GTF3C5: variants seen among roughly 807,000 people sequenced by gnomAD.
The protein encoded by GTF3C5 is general transcription factor 3C polypeptide 5.
GTF3C5 carries 47 observed loss-of-function variants against 61.0 expected under a neutral mutation model. The observed-to-expected ratio is 0.77, with a 90% CI of 0.61 to 0.98. The LOEUF (loss-of-function observed/expected upper bound fraction) is 0.98. Ranked by LOEUF, GTF3C5 falls within the 50% of genes least tolerant of loss-of-function variation. The probability of loss-of-function intolerance (pLI) is 0.00; values close to 1 mark genes in which losing one functional copy is unlikely to be tolerated. For synonymous variants in GTF3C5, 295 were observed against 275.4 expected, an observed-to-expected ratio of 1.07 and a Z score of -0.71; for missense variants, 659 against 703.3, an observed-to-expected ratio of 0.94 and a Z score of 0.71.
At chr9:133,052,025 G>T (rs769337362) in intron 4 of GTF3C5, 35 bp from the exon 5 acceptor site, 5 of 1,143,336 alleles carry the variant, frequency 4.4e-6, no homozygotes, top group African/African-American at 1.5e-5. Flanking sequence ...GAAGCTGCTG[G>T]TGCTCATCTC....
intron 1 of GTF3C5, among the ~76,000 whole-genome samples, chr9:133,031,775 G>T (rs965938746): frequency 1.3e-5 from 2 of 152,122 alleles, no homozygotes; most frequent in African/African-American, 2.4e-5. Context: ...GGGTTGGACC[G>T]CACAGTCTAA....
In GTF3C5 at chr9:133,053,827, G is replaced by C; in HGVS notation, c.874-1G>C. On this transcript the variant is annotated splice_acceptor_variant, in intron 5 of 10. Transcript: ENST00000372097. LOFTEE classifies it high-confidence loss of function. The stretch of plus-strand genomic sequence containing the variant: ...ACATTTTCCCCACTTTTCTGTCCCA[G>C]ATAACAGGCCCCTGGCGCAGCCTAT... 2 of 1,598,720 alleles carry C rather than the reference G, an allele frequency of 1.3e-6. No individual in the cohort carries two copies. Among genetic ancestry groups the C allele is most frequent in the South Asian group, 1.1e-5 (1 of 90,430 alleles).
intron 2 of GTF3C5, among the ~76,000 whole-genome samples, chr9:133,043,156 A>G (rs1029638944): frequency 6.6e-6 from 1 of 152,248 alleles, no homozygotes; most frequent in African/African-American, 2.4e-5. Context: ...CTGGGGTCCC[A>G]TGGGTTGGGC....
In GTF3C5 at chr9:133,042,287, C is replaced by T. The variant is rs763270485; in HGVS notation, c.354C>T (p.Ser118=). The change falls in exon 2 of 11, where the codon TCC becomes TCT. Residue 118 remains serine (S), a synonymous_variant. Coordinates refer to ENST00000372097, the MANE Select transcript of GTF3C5 (RefSeq NM_012087.4). The stretch of plus-strand genomic sequence containing the variant: ...ACATGGAGATCCTTGGCATCATCTC[C>T]ACCATTTACAAATTTCAGGGTAACT... ...TFDMEILGII[S]TIYKFQGMSD... The T allele has an allele frequency of 2.5e-6, 4 of 1,607,046 alleles. No individual in the cohort carries two copies. The highest frequency in any genetic ancestry group is 3.4e-6 in the Non-Finnish European group (4 of 1,173,416).
At chr9:133,031,193 A>G (rs755226960) in intron 1 of GTF3C5, 29 bp downstream of exon 1, 4 of 1,530,216 alleles carry the variant, frequency 2.6e-6, no homozygotes, top group Non-Finnish European at 2.6e-6. Flanking sequence ...CGGTGTTGGA[A>G]TAAGAGCTCG....
chr9:133,050,773 C>G lies in GTF3C5; in HGVS notation c.573-10C>G. On this transcript the variant is annotated splice_polypyrimidine_tract_variant and intron_variant, in intron 3 of 10. Coordinates refer to ENST00000372097, the MANE Select transcript of GTF3C5 (RefSeq NM_012087.4). ...GTGCTCCTGTTCTCACCTGTACTCT[C>G]TGCCCCCAGGGAAGGCTACAACAAT... The G allele has an allele frequency of 6.2e-7, 1 of 1,605,978 alleles. No homozygotes were observed. Among genetic ancestry groups the G allele is most frequent in the Non-Finnish European group, 8.5e-7 (1 of 1,174,728 alleles).
chr9:133,051,452 C>T (rs1415351670), intron 4 of GTF3C5, among the ~76,000 whole-genome samples: 8 of 152,226 alleles, frequency 5.3e-5, no homozygotes, highest in Non-Finnish European at 7.3e-5. Context: ...ACCTGGAGCC[C>T]GGCGCTTCCC....
chr9:133,030,725 G>A (rs1398809925), upstream of GTF3C5: 1 of 544,326 alleles, frequency 1.8e-6, no homozygotes. Flanking sequence ...TATCCTCCGG[G>A]TCCCTCGCTG....
At position 133,031,010 on chromosome 9, in the gene GTF3C5, G is replaced by C. The variant is rs770251706; in HGVS notation, c.-2G>C. The stretch of plus-strand genomic sequence containing the variant: ...CTGGCGGGCCCTGCCAGACGCACAG[G>C]GATGGCGGCGGAGGCGGCCGATTTG... On this transcript the variant is annotated 5_prime_UTR_variant, in exon 1 of 11. Coordinates refer to ENST00000372097, the MANE Select transcript of GTF3C5 (RefSeq NM_012087.4). The C allele has an allele frequency of 6.2e-7, 1 of 1,612,298 alleles. No individual in the cohort carries two copies. Among genetic ancestry groups the C allele is most frequent in the Admixed American group, 1.7e-5 (1 of 59,912 alleles).
At chr9:133,054,852 T>TCCATTC in intron 8 of GTF3C5, 43 bp downstream of exon 8, 1 of 1,543,592 alleles carries the variant, frequency 6.5e-7, no homozygotes, top group Non-Finnish European at 8.8e-7. Context: ...AGGACTTCCC[T>TCCATTC]CTTGGGGCCG....
intron 3 of GTF3C5, chr9:133,044,165 A>G (rs1034617208): frequency 4.2e-5 from 22 of 528,736 alleles, no homozygotes; most frequent in Middle Eastern, 5.1e-4. Context: ...AAAAAAAAAA[A>G]AAAAGAAAAT....
chr9:133,031,316 G>A, intron 1 of GTF3C5, 152 bp downstream of exon 1: 1 of 620,746 alleles, frequency 1.6e-6, no homozygotes, highest in Non-Finnish European at 2.7e-6. Context: ...AGAGCCAACA[G>A]AACAAAGAAG....
At chr9:133,057,427 T>C (rs1332305514) in intron 10 of GTF3C5, among the ~76,000 whole-genome samples, 3 of 152,090 alleles carry the variant, frequency 2.0e-5, no homozygotes, top group Non-Finnish European at 2.9e-5. Context: ...CTCCCAGGCT[T>C]GGGGAGGAGG....
rs1829922785 is a variant in GTF3C5 at position 133,055,867 on chromosome 9, G to A, written c.1168-145G>A. 7 of 1,438,954 alleles carry A rather than the reference G, an allele frequency of 4.9e-6. No individual in the cohort carries two copies. The South Asian group carries it at 8.9e-5, about 18-fold the overall frequency. The allele number at this position is 1,438,954 out of a possible 1,614,324, so 89.1% of individuals were successfully genotyped here. On this transcript the variant is annotated intron_variant, in intron 8 of 10. Transcript: ENST00000372097. ...TTGTTTTTTCCCCAACTCCTCCGTG[G>A]CCTTCCAGCCTGTCTGCCCAACCTG...
At position 133,052,175 on chromosome 9, in the gene GTF3C5, G is replaced by T. The variant is rs1442879377; in HGVS notation, c.873+11G>T. 2 of 1,432,656 alleles carry T rather than the reference G, an allele frequency of 1.4e-6. No homozygotes were observed. Among genetic ancestry groups the T allele is most frequent in the Non-Finnish European group, 9.8e-7 (1 of 1,022,156 alleles). 88.7% of individuals were successfully genotyped at this position (1,432,656 alleles called of 1,614,324 possible). On this transcript the variant is annotated intron_variant, in intron 5 of 10. Coordinates refer to ENST00000372097, the MANE Select transcript of GTF3C5 (RefSeq NM_012087.4). ...ATAGCCTATTACATGGTAAGTGTCA[G>T]CTGCCCACCCACCTGCCTTGGTTTC...
rs1338793697 is a variant in GTF3C5 at position 133,047,558 on chromosome 9, G to C, written c.573-3225G>C. On this transcript the variant is annotated intron_variant, in intron 3 of 10. Transcript: ENST00000372097. The stretch of plus-strand genomic sequence containing the variant: ...TTTTTGGAGACGGAATTTCCCTCTT[G>C]TCACCCAGGCTGGAATGCAGTGGCG... 2.0e-5 allele frequency among the ~76,000 whole-genome samples: 3 copies of C among 148,936 alleles called. No individual in the cohort carries two copies. The Admixed American group carries it at 2.0e-4, about 10-fold the overall frequency.
intron 5 of GTF3C5, among the ~76,000 whole-genome samples, chr9:133,052,414 GC>G (rs1179619761): frequency 8.6e-6 from 1 of 115,990 alleles, no homozygotes; most frequent in East Asian, 2.4e-4. Flanking sequence ...CCCTGTCCTG[GC>G]CCCCCGATCC....
chr9:133,056,951 A>G (rs1272237638), intron 10 of GTF3C5, 43 bp downstream of exon 10: 1 of 1,530,446 alleles, frequency 6.5e-7, no homozygotes, highest in Non-Finnish European at 8.8e-7. Context: ...ATGCCTGGTG[A>G]TCTCCTTTGA....
intron 7 of GTF3C5, 52 bp downstream of exon 7, chr9:133,054,540 C>T (rs767133345): frequency 4.5e-6 from 7 of 1,555,840 alleles, no homozygotes; most frequent in Admixed American, 3.4e-5. Context: ...CCAAGGAAGG[C>T]GGGGCACCTG....
Sources: allele counts gnomAD v4.1 joint callset (sites outside exome capture counted in the v4.1 genomes callset), GRCh38; gene constraint gnomAD v4.1.1; transcripts MANE v1.5; gene names NCBI Gene and HGNC (gene_info 2026-07-23, HGNC 2026-07-21).